CAMK2D: variants seen among roughly 807,000 people sequenced by gnomAD.
CAMK2D encodes calcium/calmodulin-dependent protein kinase type II subunit delta.
A neutral mutation model predicts 84.0 loss-of-function variants in CAMK2D; 37 were observed. The observed-to-expected ratio is 0.44, with a 90% CI of 0.34 to 0.58. CAMK2D has a LOEUF of 0.58. CAMK2D is among the 20% of genes least tolerant of loss of function. The pLI is 0.02. For missense variants in CAMK2D, 448 were observed against 652.5 expected, an observed-to-expected ratio of 0.69 and a Z score of 3.41; for synonymous variants, 202 against 212.5, an observed-to-expected ratio of 0.95 and a Z score of 0.43.
At chr4:113,619,048 A>C (rs1027331090) in intron 3 of CAMK2D, among the ~76,000 whole-genome samples, 5 of 152,148 alleles carry the variant, frequency 3.3e-5, no homozygotes, top group Non-Finnish European at 5.9e-5. Flanking sequence ...TAGACATCTC[A>C]AACCAAACAA....
intron 2 of CAMK2D, among the ~76,000 whole-genome samples, chr4:113,734,203 T>C (rs2099575794): frequency 6.6e-6 from 1 of 152,064 alleles, no homozygotes; most frequent in South Asian, 2.1e-4. Flanking sequence ...AGATGAAGAG[T>C]AATTTAAAAG....
At chr4:113,495,049 C>T (rs1026324420) in intron 16 of CAMK2D, among the ~76,000 whole-genome samples, 10 of 152,214 alleles carry the variant, frequency 6.6e-5, no homozygotes, top group African/African-American at 2.4e-4. Flanking sequence ...GTGGCACTCC[C>T]TAGTGAGATG....
chr4:113,542,986 G>A (rs745492191), intron 6 of CAMK2D, among the ~76,000 whole-genome samples: 1 of 152,166 alleles, frequency 6.6e-6, no homozygotes, highest in African/African-American at 2.4e-5. Flanking sequence ...AATTCATAGG[G>A]TGTTAATTTG....
intron 2 of CAMK2D, among the ~76,000 whole-genome samples, chr4:113,676,050 A>G (rs2099317008): frequency 6.6e-6 from 1 of 152,218 alleles, no homozygotes; most frequent in Non-Finnish European, 1.5e-5. Context: ...TCTCTATCAT[A>G]CAAACCATTC....
intron 2 of CAMK2D, among the ~76,000 whole-genome samples, chr4:113,670,481 T>C (rs1253243156): frequency 1.3e-5 from 2 of 152,066 alleles, no homozygotes; most frequent in Non-Finnish European, 2.9e-5. Context: ...TTAATTCATA[T>C]AAAATTATTC....
intron 4 of CAMK2D, among the ~76,000 whole-genome samples, chr4:113,589,021 C>G (rs28615972): frequency 0.042 from 6,386 of 152,076 alleles, 451 homozygotes; most frequent in African/African-American, 0.15. Context: ...ATGCAGGTTT[C>G]TGGGAGAGGA....
At position 113,694,332 on chromosome 4, in the gene CAMK2D, C is replaced by G. The variant is rs573967309; in HGVS notation, c.161-32560G>C. On this transcript the variant is annotated intron_variant, in intron 2 of 20. Transcript: ENST00000511664. ...CACAAACTCATTAATGCTTTCAGCT[C>G]TTGCAATGAAGCTGCCCTTTATTAA... 4.6e-5 allele frequency among the ~76,000 whole-genome samples: 7 copies of G among 152,294 alleles called. 1 individual carries two copies. In the South Asian group the frequency reaches 1.5e-3, roughly 32 times the overall value.
intron 6 of CAMK2D, among the ~76,000 whole-genome samples, chr4:113,543,768 GTTTATTTATTTATTTATTTA>G (rs79922057): frequency 6.8e-6 from 1 of 146,602 alleles, no homozygotes; most frequent in Non-Finnish European, 1.5e-5. Flanking sequence ...TATCTATCAA[GTTTATTTATTTATTTATTTA>G]TTTATTTATT....
At chr4:113,470,805 C>G (rs2154117806) in intron 16 of CAMK2D, among the ~76,000 whole-genome samples, 1 of 152,246 alleles carries the variant, frequency 6.6e-6, no homozygotes, top group South Asian at 2.1e-4. Flanking sequence ...CTCTATTACT[C>G]TAGAAGGGTG....
chr4:113,510,559 T>TAG (rs1169276497), intron 12 of CAMK2D, among the ~76,000 whole-genome samples: 4 of 151,912 alleles, frequency 2.6e-5, no homozygotes, highest in African/African-American at 9.7e-5. Context: ...AAGGAATGTG[T>TAG]AGATACACAG....
At chr4:113,594,340 T>C (rs948745192) in intron 4 of CAMK2D, among the ~76,000 whole-genome samples, 7 of 152,026 alleles carry the variant, frequency 4.6e-5, no homozygotes, top group Non-Finnish European at 1.0e-4. Context: ...CCAAACCATA[T>C]CACCTAGTAC....
At chr4:113,741,125 T>C (rs2099591837) in intron 2 of CAMK2D, among the ~76,000 whole-genome samples, 1 of 152,122 alleles carries the variant, frequency 6.6e-6, no homozygotes, top group Non-Finnish European at 1.5e-5. Context: ...ACCATTATTT[T>C]ACTTAGTAAT....
intron 10 of CAMK2D, 110 bp from the exon 11 acceptor site, chr4:113,514,023 A>T: frequency 1.9e-6 from 1 of 536,036 alleles, no homozygotes; most frequent in Non-Finnish European, 3.3e-6. Flanking sequence ...CACCTGCAGG[A>T]TCAACTTCTA....
intron 2 of CAMK2D, among the ~76,000 whole-genome samples, chr4:113,729,209 C>T (rs1413738317): frequency 6.6e-6 from 1 of 152,120 alleles, no homozygotes; most frequent in African/African-American, 2.4e-5. Context: ...TTACATCTTT[C>T]CTTAGCCTAT....
At chr4:113,461,381 G>A (rs1174177872) in intron 17 of CAMK2D, among the ~76,000 whole-genome samples, 1 of 152,194 alleles carries the variant, frequency 6.6e-6, no homozygotes, top group African/African-American at 2.4e-5. Context: ...GTTTAAGAGA[G>A]GAAGAAAATT....
At chr4:113,470,360 C>T (rs1177844053) in intron 16 of CAMK2D, among the ~76,000 whole-genome samples, 2 of 152,066 alleles carry the variant, frequency 1.3e-5, no homozygotes, top group Non-Finnish European at 2.9e-5. Context: ...AAATGCCTTC[C>T]CTGGGCCAGG....
At chr4:113,485,768 T>A (rs1040329064) in intron 16 of CAMK2D, among the ~76,000 whole-genome samples, 1 of 152,222 alleles carries the variant, frequency 6.6e-6, no homozygotes, top group Non-Finnish European at 1.5e-5. Flanking sequence ...CTCCTTCATA[T>A]GGCTCAATGC....
At chr4:113,709,356 T>G (rs1480562964) in intron 2 of CAMK2D, among the ~76,000 whole-genome samples, 1 of 152,100 alleles carries the variant, frequency 6.6e-6, no homozygotes, top group African/African-American at 2.4e-5. Flanking sequence ...TATATTAATA[T>G]TCACTGAATT....
chr4:113,491,893 T>TA (rs1282826607), intron 16 of CAMK2D, among the ~76,000 whole-genome samples: 8 of 152,280 alleles, frequency 5.3e-5, no homozygotes, highest in African/African-American at 1.9e-4. Flanking sequence ...TCCAGGAATT[T>TA]ATCCATTTCT....
Sources: allele counts gnomAD v4.1 joint callset (sites outside exome capture counted in the v4.1 genomes callset), GRCh38; gene constraint gnomAD v4.1.1; transcripts MANE v1.5; gene names NCBI Gene and HGNC (gene_info 2026-07-23, HGNC 2026-07-21).